Variants in NRG3 observed in about 807,000 individuals in gnomAD.
NRG3 encodes the protein neuregulin 3, also known as pro-neuregulin-3, membrane-bound isoform.
A neutral mutation model predicts 66.9 loss-of-function variants in NRG3; 31 were observed. The ratio of observed to expected loss-of-function variants is 0.46; its 90% CI spans 0.35 to 0.63. The LOEUF (loss-of-function observed/expected upper bound fraction) is 0.63. Among genes scored for constraint, NRG3 ranks in the 20% least tolerant of loss-of-function variants. The pLI is 0.00. For synonymous variants in NRG3, 393 were observed against 359.4 expected, an observed-to-expected ratio of 1.09 and a Z score of -1.06; for missense variants, 910 against 878.9, an observed-to-expected ratio of 1.04 and a Z score of -0.45.
At chr10:82,005,936 G>A (rs1452223688) in intron 1 of NRG3, among the ~76,000 whole-genome samples, 1 of 134,676 alleles carries the variant, frequency 7.4e-6, no homozygotes, top group Non-Finnish European at 1.6e-5. Flanking sequence ...TCACCTTTCA[G>A]TATAATGAGA....
intron 2 of NRG3, among the ~76,000 whole-genome samples, chr10:82,702,229 A>G (rs958363947): frequency 9.2e-5 from 14 of 152,322 alleles, no homozygotes; most frequent in Middle Eastern, 6.8e-3. Flanking sequence ...CACACTGACT[A>G]TAACAGCTGC....
chr10:82,848,894 T>A (rs7903614), intron 3 of NRG3, among the ~76,000 whole-genome samples: 1,949 of 152,280 alleles, frequency 0.013, 49 homozygotes, highest in African/African-American at 0.045. Flanking sequence ...GTTCCTTCTT[T>A]GCCTTCTGCC....
intron 1 of NRG3, among the ~76,000 whole-genome samples, chr10:82,271,386 C>T (rs934747002): frequency 5.9e-5 from 9 of 152,028 alleles, no homozygotes; most frequent in African/African-American, 2.2e-4. Flanking sequence ...TGCTACCTAT[C>T]AGGGCGATTG....
intron 2 of NRG3, among the ~76,000 whole-genome samples, chr10:82,589,268 C>A (rs1800102507): frequency 6.6e-6 from 1 of 152,140 alleles, no homozygotes. Flanking sequence ...TTAGACAGAA[C>A]CTCTTTCTTT....
At chr10:82,669,885 A>G (rs893546013) in intron 2 of NRG3, among the ~76,000 whole-genome samples, 2 of 151,172 alleles carry the variant, frequency 1.3e-5, no homozygotes, top group African/African-American at 4.9e-5. Flanking sequence ...CCGAGATCGC[A>G]CCACTGCACT....
rs559439800 is a variant in NRG3 at position 82,588,217 on chromosome 10, C to T, written c.954-150360C>T. On this transcript the variant is annotated intron_variant, in intron 2 of 8. Coordinates refer to ENST00000372141, the MANE Select transcript of NRG3 (RefSeq NM_001010848.4). ...CTAAGTCTCATGTTGAAATGTAATC[C>T]CCAGAGTTGGAGGTAGGGCCTGGTG... 1.6e-3 allele frequency among the ~76,000 whole-genome samples: 241 copies of T among 152,182 alleles called. 2 individuals are homozygous for T. The highest frequency in any genetic ancestry group is 5.5e-3 in the African/African-American group (228 of 41,530).
chr10:82,411,433 G>A (rs944143365), intron 2 of NRG3, among the ~76,000 whole-genome samples: 2 of 152,122 alleles, frequency 1.3e-5, no homozygotes, highest in African/African-American at 2.4e-5. Flanking sequence ...AGTATAATTA[G>A]TATCACTGCA....
chr10:82,426,353 A>G (rs1031634025), intron 2 of NRG3, among the ~76,000 whole-genome samples: 2 of 152,026 alleles, frequency 1.3e-5, no homozygotes, highest in Non-Finnish European at 2.9e-5. Context: ...TTAATGATTT[A>G]TGACTGTTGT....
intron 2 of NRG3, among the ~76,000 whole-genome samples, chr10:82,487,561 A>T (rs1367079569): frequency 6.6e-6 from 1 of 152,196 alleles, no homozygotes; most frequent in Non-Finnish European, 1.5e-5. Context: ...TCATGACCAG[A>T]GGCCATTGCT....
At chr10:82,697,347 G>A (rs1301483570) in intron 2 of NRG3, among the ~76,000 whole-genome samples, 1 of 152,126 alleles carries the variant, frequency 6.6e-6, no homozygotes, top group Non-Finnish European at 1.5e-5. Context: ...CTGTCAAACT[G>A]AAGAAAAGTT....
intron 1 of NRG3, among the ~76,000 whole-genome samples, chr10:81,919,538 C>G (rs991070083): frequency 6.6e-6 from 1 of 152,000 alleles, no homozygotes; most frequent in Admixed American, 6.6e-5. Context: ...CAAATATAAT[C>G]CATTGCTTCA....
chr10:81,949,530 TG>T (rs1413526296), intron 1 of NRG3, among the ~76,000 whole-genome samples: 6 of 152,174 alleles, frequency 3.9e-5, no homozygotes, highest in Non-Finnish European at 8.8e-5. Context: ...TGGTACTCTC[TG>T]TGTGATATGC....
chr10:82,627,820 C>T (rs1213677177), intron 2 of NRG3, among the ~76,000 whole-genome samples: 1 of 152,190 alleles, frequency 6.6e-6, no homozygotes, highest in African/African-American at 2.4e-5. Context: ...CAAATGTCAT[C>T]TCTCTGTAGC....
At position 82,812,243 on chromosome 10, in the gene NRG3, T is replaced by C. The variant is rs182357666; in HGVS notation, c.1028-53168T>C. ...AGTTGATGCTGATATTCCTAGTCCCTGAATCATCCTTTGAGAAGCAAGGCA... is the reference window on the plus strand; with the variant it reads ...AGTTGATGCTGATATTCCTAGTCCCCGAATCATCCTTTGAGAAGCAAGGCA... On this transcript the variant is annotated intron_variant, in intron 3 of 8. Transcript: ENST00000372141. Among the ~76,000 whole-genome samples the C allele has an allele frequency of 3.9e-4, 60 of 152,334 alleles. 1 individual carries two copies. In the East Asian group the frequency reaches 0.011, roughly 28 times the overall value.
At chr10:82,109,220 A>AT (rs1226417034) in intron 1 of NRG3, among the ~76,000 whole-genome samples, 1 of 152,178 alleles carries the variant, frequency 6.6e-6, no homozygotes, top group Non-Finnish European at 1.5e-5. Context: ...AACATGGGAG[A>AT]TTCCAGGCAC....
intron 3 of NRG3, among the ~76,000 whole-genome samples, chr10:82,790,732 CAT>C (rs1192929031): frequency 9.9e-5 from 15 of 152,088 alleles, no homozygotes; most frequent in East Asian, 3.9e-4. Context: ...GATGGTACCA[CAT>C]AGTCTTTTTG....
chr10:82,251,941 A>AG (rs11451945), intron 1 of NRG3, among the ~76,000 whole-genome samples: 152,127 of 152,144 alleles, frequency 1, 76,055 homozygotes, highest in Middle Eastern at 1. Flanking sequence ...GTGTGGGGTG[A>AG]GGGCATTGCC....
intron 7 of NRG3, among the ~76,000 whole-genome samples, chr10:82,977,292 T>C (rs1852360297): frequency 6.6e-6 from 1 of 152,052 alleles, no homozygotes; most frequent in South Asian, 2.1e-4. Context: ...TGTTAGGCAT[T>C]TGGGGACACA....
chr10:82,682,946 ATTTTTTTTTTTTTTT>A (rs71009814), intron 2 of NRG3, among the ~76,000 whole-genome samples: 1 of 65,334 alleles, frequency 1.5e-5, no homozygotes, highest in African/African-American at 6.4e-5. Flanking sequence ...CCATGTCTTA[ATTTTTTTTTTTTTTT>A]TTTTTTTTTT....
Sources: allele counts gnomAD v4.1 joint callset (sites outside exome capture counted in the v4.1 genomes callset), GRCh38; gene constraint gnomAD v4.1.1; transcripts MANE v1.5; gene names NCBI Gene and HGNC (gene_info 2026-07-23, HGNC 2026-07-21).